EGFLAM: variants seen among roughly 807,000 people sequenced by gnomAD.
EGFLAM encodes the protein pikachurin.
EGFLAM carries 79 observed loss-of-function variants against 113.1 expected under a neutral mutation model. The ratio of observed to expected loss-of-function variants is 0.70; its 90% confidence interval spans 0.58 to 0.84. The LOEUF (loss-of-function observed/expected upper bound fraction) is 0.84. EGFLAM is among the 40% of genes least tolerant of loss of function. The pLI is 0.00. For synonymous variants in EGFLAM, 504 were observed against 487.6 expected, an observed-to-expected ratio of 1.03 and a Z score of -0.44; for missense variants, 1,265 against 1,291.6, an observed-to-expected ratio of 0.98 and a Z score of 0.32.
At chr5:38,453,884 C>T (rs183016979) in intron 19 of EGFLAM, among the ~76,000 whole-genome samples, 23 of 152,258 alleles carry the variant, frequency 1.5e-4, no homozygotes, top group Admixed American at 1.5e-3. Flanking sequence ...CCATGCCCAG[C>T]CCTGGAGAGC....
In EGFLAM at chr5:38,464,049, C is replaced by A; in HGVS notation, c.*63C>A. On this transcript the variant is annotated 3_prime_UTR_variant, in exon 22 of 22. Transcript: ENST00000322350. ...TCTGAGAATCCCAGGGGCCCTCAGA[C>A]CCTGCCTGATGCTATATGCAGAGGC... 6.2e-7 allele frequency: 1 copy of A among 1,602,068 alleles called. No individual in the cohort carries two copies. The highest frequency in any genetic ancestry group is 8.5e-7 in the Non-Finnish European group (1 of 1,171,904).
intron 1 of EGFLAM, among the ~76,000 whole-genome samples, chr5:38,296,905 T>A (rs1758463857): frequency 6.6e-6 from 1 of 152,028 alleles, no homozygotes; most frequent in Non-Finnish European, 1.5e-5. Context: ...GTGGTATTCC[T>A]GTGCAAAATT....
intron 1 of EGFLAM, among the ~76,000 whole-genome samples, chr5:38,329,112 C>G (rs1295703217): frequency 6.6e-6 from 1 of 151,736 alleles, no homozygotes; most frequent in Non-Finnish European, 1.5e-5. Flanking sequence ...TAGTGAGACC[C>G]TGTTTCTACA....
At chr5:38,447,394 A>G (rs927789621) in intron 17 of EGFLAM, among the ~76,000 whole-genome samples, 11 of 152,206 alleles carry the variant, frequency 7.2e-5, no homozygotes, top group Non-Finnish European at 1.5e-4. Context: ...CTTCTTCCAT[A>G]AAATGAGAAT....
Position 38,395,844 on chromosome 5 carries a change from A to T in EGFLAM, c.713-10282A>T, listed in dbSNP as rs371235575. ...TTTCAGGGAGCCAACTGGAGACCAT[A>T]CTATGTATGTCAATTTTCGGTTAGT... On this transcript the variant is annotated intron_variant, in intron 6 of 21. Transcript: ENST00000322350. Among the ~76,000 whole-genome samples the T allele has an allele frequency of 1.3e-4, 20 of 152,244 alleles. No homozygotes were observed. In the South Asian group the frequency reaches 4.1e-3, roughly 32 times the overall value.
intron 6 of EGFLAM, among the ~76,000 whole-genome samples, chr5:38,390,626 G>A (rs906245012): frequency 2.0e-5 from 3 of 152,154 alleles, no homozygotes; most frequent in Non-Finnish European, 1.5e-5. Context: ...TATATTCGAA[G>A]TTCTTACTCC....
At chr5:38,353,385 G>A (rs2111990609) in intron 5 of EGFLAM, among the ~76,000 whole-genome samples, 1 of 152,336 alleles carries the variant, frequency 6.6e-6, no homozygotes, top group East Asian at 1.9e-4. Flanking sequence ...CCACGTTAAA[G>A]GTGATGGGGC....
intron 3 of EGFLAM, among the ~76,000 whole-genome samples, chr5:38,344,349 G>A (rs1462389477): frequency 6.6e-6 from 1 of 152,146 alleles, no homozygotes; most frequent in East Asian, 1.9e-4. Flanking sequence ...AGCCAGGCAT[G>A]GTGGTGCACG....
At chr5:38,454,393 GTCCCCTCCTT>G in intron 19 of EGFLAM, among the ~76,000 whole-genome samples, 1 of 152,066 alleles carries the variant, frequency 6.6e-6, no homozygotes. Context: ...CTCAGCCTCT[GTCCCCTCCTT>G]GCAAAACGAC....
intron 1 of EGFLAM, among the ~76,000 whole-genome samples, chr5:38,272,665 A>G (rs1415900018): frequency 6.6e-6 from 1 of 152,206 alleles, no homozygotes; most frequent in African/African-American, 2.4e-5. Context: ...AAGAACCAAC[A>G]TGCCTGATAA....
intron 1 of EGFLAM, among the ~76,000 whole-genome samples, chr5:38,268,023 A>G (rs1644844402): frequency 6.6e-6 from 1 of 152,212 alleles, no homozygotes; most frequent in African/African-American, 2.4e-5. Context: ...GAATACAGCT[A>G]GAGCTCCATT....
intron 19 of EGFLAM, 136 bp from the exon 20 acceptor site, chr5:38,458,173 AAC>A (rs1249175217): frequency 4.4e-6 from 3 of 678,414 alleles, no homozygotes; most frequent in Non-Finnish European, 7.2e-6. Context: ...CAACTTTTAT[AAC>A]ACTCTTGTTT....
intron 20 of EGFLAM, among the ~76,000 whole-genome samples, chr5:38,459,482 A>G (rs1743202348): frequency 6.6e-6 from 1 of 152,190 alleles, no homozygotes; most frequent in African/African-American, 2.4e-5. Context: ...ACCTTTGTCC[A>G]TATTTCTAAC....
In EGFLAM at chr5:38,369,349, A is replaced by G. The variant is rs140067788; in HGVS notation, c.546-947A>G. Reference sequence around the variant, plus strand: ...TAAAATCCAGTGTACATTTTACACAATAGCACATCTCAATTCAGACACATT... The same window carrying G: ...TAAAATCCAGTGTACATTTTACACAGTAGCACATCTCAATTCAGACACATT... On this transcript the variant is annotated intron_variant, in intron 5 of 21. Coordinates refer to ENST00000322350, the MANE Select transcript of EGFLAM (RefSeq NM_152403.4). 2.0e-3 allele frequency among the ~76,000 whole-genome samples: 302 copies of G among 152,370 alleles called. 1 individual carries two copies. Among genetic ancestry groups the G allele is most frequent in the African/African-American group, 6.5e-3 (269 of 41,580 alleles).
At chr5:38,368,159 A>G (rs1740111919) in intron 5 of EGFLAM, among the ~76,000 whole-genome samples, 1 of 152,208 alleles carries the variant, frequency 6.6e-6, no homozygotes, top group Non-Finnish European at 1.5e-5. Context: ...AGTTTTATCT[A>G]AAGATCACAT....
At chr5:38,448,189 G>A in intron 17 of EGFLAM, 112 bp from the exon 18 acceptor site, 1 of 1,170,664 alleles carries the variant, frequency 8.5e-7, no homozygotes, top group Non-Finnish European at 1.3e-6. Context: ...AGGGGCTGAT[G>A]AATTGTTAAA....
At chr5:38,299,039 A>G (rs1344458103) in intron 1 of EGFLAM, among the ~76,000 whole-genome samples, 1 of 152,158 alleles carries the variant, frequency 6.6e-6, no homozygotes, top group African/African-American at 2.4e-5. Context: ...ATTTCTTCCT[A>G]TGTAACAGTT....
intron 1 of EGFLAM, among the ~76,000 whole-genome samples, chr5:38,267,028 A>T (rs1271353594): frequency 6.6e-6 from 1 of 152,198 alleles, no homozygotes; most frequent in East Asian, 1.9e-4. Context: ...CTGAAGTGCT[A>T]CCTAAGGAGA....
intron 6 of EGFLAM, among the ~76,000 whole-genome samples, chr5:38,381,432 G>A (rs1203207042): frequency 1.3e-5 from 2 of 152,170 alleles, no homozygotes; most frequent in Non-Finnish European, 2.9e-5. Flanking sequence ...AACCGAATAC[G>A]AAACACTTAT....
Sources: gnomAD v4.1 joint callset for allele counts (sites outside exome capture counted in the v4.1 genomes callset) on GRCh38, gnomAD v4.1.1 for gene constraint, MANE v1.5 for transcripts, NCBI Gene and HGNC (gene_info 2026-07-23, HGNC 2026-07-21) for gene names.